The following MTMR8 variants were observed in gnomAD, a reference collection of about 807,000 sequenced individuals.
MTMR8 encodes the protein myotubularin related protein 8.
In MTMR8, 65 loss-of-function variants were observed where a neutral mutation model predicts 39.3. The ratio of observed to expected loss-of-function variants is 1.65; its 90% CI spans 1.35 to 2.03. The LOEUF is 2.03. MTMR8 is among the 30% of genes most tolerant of loss of function. The pLI, the probability that MTMR8 is intolerant of heterozygous loss-of-function variation, is 0.00. For missense variants in MTMR8, 777 were observed against 538.9 expected (o/e 1.44, Z -4.37); for synonymous variants, 245 against 185.2 (o/e 1.32, Z -2.62).
At chrX:64,377,498 T>G (rs1924301305) in intron 1 of MTMR8, among the ~76,000 whole-genome samples, 1 of 112,800 alleles carries the variant, frequency 8.9e-6, no homozygotes, top group Non-Finnish European at 1.9e-5. Context: ...AGCTTTAATA[T>G]TTAATGACTA....
intron 12 of MTMR8, among the ~76,000 whole-genome samples, chrX:64,279,239 C>T (rs1931951604): frequency 8.9e-6 from 1 of 112,147 alleles, no homozygotes. Context: ...CTTCCAAACT[C>T]ATTTCGTGTT....
At chrX:64,342,331 A>T (rs956325340) in intron 8 of MTMR8, among the ~76,000 whole-genome samples, 4 of 112,534 alleles carry the variant, frequency 3.6e-5, no homozygotes, top group African/African-American at 1.3e-4. Context: ...CAATAGCCAG[A>T]TGGAGGAGAA....
At chrX:64,359,821 G>A (rs1237893630) in intron 1 of MTMR8, among the ~76,000 whole-genome samples, 1 of 108,752 alleles carries the variant, frequency 9.2e-6, no homozygotes, top group African/African-American at 3.3e-5. Context: ...AGCCTGCTGA[G>A]GTACTTATCT....
At chrX:64,370,926 G>C (rs949605721) in intron 1 of MTMR8, among the ~76,000 whole-genome samples, 9 of 111,862 alleles carry the variant, frequency 8.0e-5, no homozygotes, top group African/African-American at 2.3e-4. Context: ...GCCAAGGTGG[G>C]AGGATTGCTT....
At position 64,268,969 on chromosome X, in the gene MTMR8, A is replaced by T. The variant is rs1157541783; in HGVS notation, c.1683T>A (p.His561Gln). 1 of 1,210,448 alleles carries T rather than the reference A, an allele frequency of 8.3e-7. No individual in the cohort carries two copies. Among genetic ancestry groups the T allele is most frequent in the Non-Finnish European group, 1.1e-6 (1 of 894,318 alleles). ...GAGGATTGGTCAAAGGACTTCCCAG[A>T]TGCTGGGATAATATGTTTCCTAATT... ...CSQLGNILSQ[H>Q]LGSPLTNPLG... The change falls in exon 14 of 14, where the codon CAT (histidine) becomes CAA (glutamine). Residue 561 changes from histidine to glutamine, a missense_variant. Transcript: ENST00000374852.
chrX:64,331,578 T>G lies in MTMR8; in HGVS notation c.1331A>C (p.Gln444Pro). The change falls in exon 11 of 14, where the codon CAG becomes CCG. Residue 444 changes from glutamine to proline, a missense_variant. Gln to Pro is a moderately conservative substitution (Grantham distance 76). Coordinates refer to ENST00000374852, the MANE Select transcript of MTMR8 (RefSeq NM_017677.4). ...CQFGNFLGNC[Q>P]KDREDLRVYE... Reference sequence around the variant, plus strand: ...TCACCTTAGATCTTCCCGATCCTTCTGGCAGTTACCAAGGAAGTTTCCAAA... The same window carrying G: ...TCACCTTAGATCTTCCCGATCCTTCGGGCAGTTACCAAGGAAGTTTCCAAA... 1 of 1,210,547 alleles carries G rather than the reference T, an allele frequency of 8.3e-7. No homozygotes were observed. The highest frequency in any genetic ancestry group is 1.1e-6 in the Non-Finnish European group (1 of 894,715).
intron 12 of MTMR8, among the ~76,000 whole-genome samples, chrX:64,273,837 G>T (rs1931816226): frequency 9.0e-6 from 1 of 111,415 alleles, no homozygotes. Context: ...TGAACTGTAA[G>T]TCAAAAAATG....
intron 4 of MTMR8, 30 bp downstream of exon 4, chrX:64,354,747 C>T (rs1923577851): frequency 8.7e-7 from 1 of 1,153,704 alleles, no homozygotes; most frequent in Non-Finnish European, 1.2e-6. Flanking sequence ...ATTAAATGCA[C>T]CAAAAGGCAA....
At chrX:64,303,929 G>A (rs1052462868) in intron 12 of MTMR8, among the ~76,000 whole-genome samples, 2 of 112,001 alleles carry the variant, frequency 1.8e-5, no homozygotes, top group Non-Finnish European at 3.8e-5. Context: ...TGAAAAGCAT[G>A]GCCTTTTAAG....
intron 1 of MTMR8, among the ~76,000 whole-genome samples, chrX:64,368,623 G>A (rs987727298): frequency 9.8e-5 from 11 of 112,085 alleles, no homozygotes; most frequent in Non-Finnish European, 1.9e-4. Flanking sequence ...ATGGATTAAA[G>A]ACTTAAATGT....
chrX:64,353,254 A>G (rs1220024495), intron 4 of MTMR8, among the ~76,000 whole-genome samples: 1 of 112,050 alleles, frequency 8.9e-6, no homozygotes, highest in Non-Finnish European at 1.9e-5. Flanking sequence ...ATGGGTTAAC[A>G]CTGAGCCAAA....
chrX:64,352,950 GT>G (rs991989158), intron 4 of MTMR8, among the ~76,000 whole-genome samples: 2 of 111,380 alleles, frequency 1.8e-5, no homozygotes, highest in Admixed American at 1.9e-4. Context: ...TCATGATAAA[GT>G]TCAAATTCCT....
chrX:64,372,822 T>C (rs946788891), intron 1 of MTMR8, among the ~76,000 whole-genome samples: 14 of 112,085 alleles, frequency 1.2e-4, no homozygotes, highest in African/African-American at 4.5e-4. Flanking sequence ...AAATAGGTTT[T>C]CATTTCTCTG....
intron 1 of MTMR8, among the ~76,000 whole-genome samples, chrX:64,383,736 C>A (rs761054111): frequency 9.1e-6 from 1 of 110,467 alleles, no homozygotes; most frequent in African/African-American, 3.3e-5. Flanking sequence ...GAGAGATGCA[C>A]CCCCATCATC....
intron 12 of MTMR8, among the ~76,000 whole-genome samples, chrX:64,302,104 C>G (rs1921904130): frequency 8.9e-6 from 1 of 112,962 alleles, no homozygotes; most frequent in Non-Finnish European, 1.9e-5. Context: ...CCAGTTCGAG[C>G]TTTCTGGCTG....
At chrX:64,281,674 T>G (rs1472140256) in intron 12 of MTMR8, among the ~76,000 whole-genome samples, 1 of 111,467 alleles carries the variant, frequency 9.0e-6, no homozygotes, top group Non-Finnish European at 1.9e-5. Flanking sequence ...CCAAAAGCAG[T>G]TGCAACAAAA....
chrX:64,290,858 G>C (rs1921369970), intron 12 of MTMR8, among the ~76,000 whole-genome samples: 1 of 111,765 alleles, frequency 8.9e-6, no homozygotes, highest in Non-Finnish European at 1.9e-5. Context: ...CCCTTTACCT[G>C]TTGAAGGACA....
chrX:64,298,486 A>G (rs1179077455), intron 12 of MTMR8, among the ~76,000 whole-genome samples: 2 of 82,636 alleles, frequency 2.4e-5, no homozygotes, highest in Non-Finnish European at 4.2e-5. Context: ...GGGCTGAGAC[A>G]ATGGGGTTTT....
chrX:64,371,013 C>G (rs1291690626), intron 1 of MTMR8, among the ~76,000 whole-genome samples: 1 of 111,140 alleles, frequency 9.0e-6, no homozygotes, highest in Non-Finnish European at 1.9e-5. Flanking sequence ...AATAATTAGC[C>G]AGACATGGTG....
Sources: gnomAD v4.1 joint callset for allele counts (sites outside exome capture counted in the v4.1 genomes callset) on GRCh38, gnomAD v4.1.1 for gene constraint, MANE v1.5 for transcripts, NCBI Gene and HGNC (gene_info 2026-07-23, HGNC 2026-07-21) for gene names.